Variants in SH3PXD2A observed in about 807,000 individuals in gnomAD.
The protein encoded by SH3PXD2A is SH3 and PX domain-containing protein 2A.
A neutral mutation model predicts 115.2 loss-of-function variants in SH3PXD2A; 32 were observed. The ratio of observed to expected loss-of-function variants is 0.28; its 90% CI spans 0.21 to 0.37. SH3PXD2A has a LOEUF of 0.37. Among genes scored for constraint, SH3PXD2A ranks in the 10% least tolerant of loss-of-function variants. The pLI is 1.00. For missense variants in SH3PXD2A, 1,328 were observed against 1,498.7 expected, an observed-to-expected ratio of 0.89 and a Z score of 1.88; for synonymous variants, 610 against 629.1, an observed-to-expected ratio of 0.97 and a Z score of 0.45.
chr10:103,614,708 A>G (rs1023524173), intron 11 of SH3PXD2A, among the ~76,000 whole-genome samples: 1 of 152,006 alleles, frequency 6.6e-6, no homozygotes, highest in African/African-American at 2.4e-5. Flanking sequence ...CCCTGGACAC[A>G]TCTGGCTCTT....
chr10:103,766,346 C>G (rs558876475), intron 3 of SH3PXD2A, among the ~76,000 whole-genome samples: 1 of 152,332 alleles, frequency 6.6e-6, no homozygotes, highest in East Asian at 1.9e-4. Flanking sequence ...CAAGAGACAG[C>G]ATCGCTTATC....
intron 4 of SH3PXD2A, among the ~76,000 whole-genome samples, chr10:103,727,710 G>A (rs951179745): frequency 1.3e-5 from 2 of 152,254 alleles, no homozygotes; most frequent in African/African-American, 4.8e-5. Context: ...CGGAGGCAGA[G>A]GACGCGTGGG....
At chr10:103,673,342 T>A (rs192619646) in intron 6 of SH3PXD2A, 1 of 152,050 alleles carries the variant, frequency 6.6e-6, no homozygotes, top group Admixed American at 6.5e-5. Context: ...TGTGGGAGGA[T>A]TGCTTAAGCC....
chr10:103,706,142 G>A (rs998718703), intron 5 of SH3PXD2A, among the ~76,000 whole-genome samples: 3 of 152,250 alleles, frequency 2.0e-5, no homozygotes, highest in African/African-American at 7.2e-5. Flanking sequence ...CCGCACAGTG[G>A]GTCACAGTGT....
At position 103,651,186 on chromosome 10, in the gene SH3PXD2A, G is replaced by C. The variant is rs543055846; in HGVS notation, c.604+9797C>G. On this transcript the variant is annotated intron_variant, in intron 8 of 14. Transcript: ENST00000369774. Reference sequence around the variant, plus strand: ...GCACTGTAGGCTGGAGTGCTGACCAGCCTCCCGGCAGCTGGGTCCCCACAG... The same window carrying C: ...GCACTGTAGGCTGGAGTGCTGACCACCCTCCCGGCAGCTGGGTCCCCACAG... 2.6e-5 allele frequency among the ~76,000 whole-genome samples: 4 copies of C among 152,224 alleles called. No homozygotes were observed. In the South Asian group the frequency reaches 8.3e-4, roughly 32 times the overall value.
At chr10:103,689,616 G>A (rs2037721990) in intron 6 of SH3PXD2A, among the ~76,000 whole-genome samples, 1 of 152,124 alleles carries the variant, frequency 6.6e-6, no homozygotes, top group Non-Finnish European at 1.5e-5. Flanking sequence ...AGTGAGCTAA[G>A]GTCATGCCAC....
chr10:103,842,124 CAAAAAAA>C (rs541852028), intron 1 of SH3PXD2A, among the ~76,000 whole-genome samples: 1 of 89,206 alleles, frequency 1.1e-5, no homozygotes, highest in Admixed American at 1.2e-4. Context: ...GACTCCGTCT[CAAAAAAA>C]AAAAAAAAAA....
intron 1 of SH3PXD2A, among the ~76,000 whole-genome samples, chr10:103,842,421 T>C (rs1471019204): frequency 6.6e-6 from 1 of 152,244 alleles, no homozygotes; most frequent in African/African-American, 2.4e-5. Context: ...CCAGTTCTTC[T>C]AGTTACTGTA....
At chr10:103,736,674 C>A in intron 3 of SH3PXD2A, 1 of 866,520 alleles carries the variant, frequency 1.2e-6, no homozygotes, top group Non-Finnish European at 1.7e-6. Flanking sequence ...CCAGAACATC[C>A]ACAACTCGTT....
intron 5 of SH3PXD2A, among the ~76,000 whole-genome samples, chr10:103,702,607 G>GTGTGTGTGTGTGTGTGTGTGTGTT (rs1592309646): frequency 6.6e-6 from 1 of 151,960 alleles, no homozygotes; most frequent in East Asian, 1.9e-4. Context: ...GTGTGTGTGT[G>GTGTGTGTGTGTGTGTGTGTGTGTT]TGTGTGCATG....
intron 6 of SH3PXD2A, among the ~76,000 whole-genome samples, chr10:103,683,260 C>T (rs932860102): frequency 5.9e-5 from 9 of 152,136 alleles, no homozygotes; most frequent in Admixed American, 2.0e-4. Context: ...CACCTGTAAT[C>T]CTAGCATTCT....
Position 103,666,154 on chromosome 10 carries a change from C to G in SH3PXD2A, c.472+2454G>C, listed in dbSNP as rs2037381154. Among the ~76,000 whole-genome samples, 1 of 152,226 alleles carries G rather than the reference C, an allele frequency of 6.6e-6. No individual in the cohort carries two copies. The highest frequency in any genetic ancestry group is 1.5e-5 in the Non-Finnish European group (1 of 68,040). On this transcript the variant is annotated intron_variant, in intron 7 of 14. Coordinates refer to ENST00000369774, the MANE Select transcript of SH3PXD2A (RefSeq NM_001394015.1). This position sits in a 1 kb window ranked among gnomAD's most constrained non-coding sequence, Gnocchi z 4.5. ...TATAAAGGACAAATTCAAGCCCAGTCTTTCTTGCCAATCTGAGCTCCCCAA... is the reference window on the plus strand; with the variant it reads ...TATAAAGGACAAATTCAAGCCCAGTGTTTCTTGCCAATCTGAGCTCCCCAA...
intron 2 of SH3PXD2A, among the ~76,000 whole-genome samples, chr10:103,797,977 A>G (rs1044518949): frequency 6.6e-6 from 1 of 152,116 alleles, no homozygotes; most frequent in African/African-American, 2.4e-5. Flanking sequence ...CCCTCAACTC[A>G]TGACCAGAGA....
At chr10:103,792,147 G>A (rs1302604508) in intron 2 of SH3PXD2A, among the ~76,000 whole-genome samples, 1 of 152,214 alleles carries the variant, frequency 6.6e-6, no homozygotes, top group African/African-American at 2.4e-5. Context: ...GAACCCCTAT[G>A]TGTTCCTTCA....
At chr10:103,850,042 T>C (rs190263932) in intron 1 of SH3PXD2A, among the ~76,000 whole-genome samples, 78 of 152,262 alleles carry the variant, frequency 5.1e-4, no homozygotes, top group Admixed American at 1.0e-3. Context: ...AGAAGGCAAT[T>C]TACAGGGAAC....
At chr10:103,853,101 C>T (rs1842910890) in intron 1 of SH3PXD2A, among the ~76,000 whole-genome samples, 1 of 152,184 alleles carries the variant, frequency 6.6e-6, no homozygotes, top group South Asian at 2.1e-4. Context: ...GACATCACTC[C>T]CTGCCCCCCC....
intron 6 of SH3PXD2A, among the ~76,000 whole-genome samples, chr10:103,687,574 G>C (rs1444921929): frequency 6.6e-6 from 1 of 152,060 alleles, no homozygotes; most frequent in Non-Finnish European, 1.5e-5. Context: ...ACTGCTGCCA[G>C]AGCCCACATC....
intron 8 of SH3PXD2A, among the ~76,000 whole-genome samples, chr10:103,659,946 C>A (rs2037266437): frequency 6.6e-6 from 1 of 152,170 alleles, no homozygotes; most frequent in South Asian, 2.1e-4. Context: ...CCCGCAACCT[C>A]CCTGTGTCTC....
intron 2 of SH3PXD2A, among the ~76,000 whole-genome samples, chr10:103,769,076 C>T (rs1231554904): frequency 6.6e-6 from 1 of 151,484 alleles, no homozygotes; most frequent in Non-Finnish European, 1.5e-5. Context: ...TATCAAATTT[C>T]AACATAAGAC....
Sources: gnomAD v4.1 joint callset for allele counts (sites outside exome capture counted in the v4.1 genomes callset) on GRCh38, gnomAD v4.1.1 for gene constraint, Gnocchi (gnomAD v3.1) non-coding constraint, MANE v1.5 for transcripts, NCBI Gene and HGNC (gene_info 2026-07-23, HGNC 2026-07-21) for gene names.